The following COL25A1 variants were observed in gnomAD, a reference collection of about 807,000 sequenced individuals.
The protein encoded by COL25A1 is collagen alpha-1(XXV) chain.
In COL25A1, 103 loss-of-function variants were observed where a neutral mutation model predicts 128.4. The observed-to-expected ratio is 0.80, with a 90% confidence interval of 0.68 to 0.94. The LOEUF is 0.94. Among genes scored for constraint, COL25A1 ranks in the 40% least tolerant of loss-of-function variants. The pLI, the probability that COL25A1 is intolerant of heterozygous loss-of-function variation, is 0.00. For missense variants in COL25A1, 745 were observed against 840.0 expected, an observed-to-expected ratio of 0.89 and a Z score of 1.40; for synonymous variants, 279 against 277.2, an observed-to-expected ratio of 1.01 and a Z score of -0.06.
chr4:109,246,549 A>G (rs1034041426), intron 3 of COL25A1, among the ~76,000 whole-genome samples: 4 of 152,212 alleles, frequency 2.6e-5, no homozygotes, highest in African/African-American at 9.6e-5. Context: ...TATGATAATT[A>G]GTACATCTAT....
At chr4:109,100,820 C>A (rs1390852243) in intron 3 of COL25A1, among the ~76,000 whole-genome samples, 1 of 152,132 alleles carries the variant, frequency 6.6e-6, no homozygotes, top group African/African-American at 2.4e-5. Context: ...ATATGCTATA[C>A]ACTGCAAACC....
rs765942559 is a variant in COL25A1, at chr4:108,848,823, T to A, written c.1390-20A>T. 6.3e-7 allele frequency: 1 copy of A among 1,598,832 alleles called. No homozygotes were observed. Among genetic ancestry groups the A allele is most frequent in the South Asian group, 1.1e-5 (1 of 90,604 alleles). On this transcript the variant is annotated intron_variant, in intron 26 of 37. Coordinates refer to ENST00000399132, the MANE Select transcript of COL25A1 (RefSeq NM_198721.4). ...CTCTCCCTATTAAGATAAAAATAGA[T>A]GACTTGCCTCCATTCTCATTGGTAA...
chr4:108,892,715 T>C (rs1741661274), intron 16 of COL25A1, among the ~76,000 whole-genome samples: 1 of 152,202 alleles, frequency 6.6e-6, no homozygotes, highest in East Asian at 1.9e-4. Flanking sequence ...AAAGTCTGTG[T>C]CACTATGCAT....
intron 3 of COL25A1, among the ~76,000 whole-genome samples, chr4:109,090,323 A>G (rs375234829): frequency 6.6e-6 from 1 of 152,134 alleles, no homozygotes; most frequent in African/African-American, 2.4e-5. Flanking sequence ...TTTCCTTGTT[A>G]GTAGGTTTTC....
At chr4:108,909,937 G>A (rs577109204) in intron 13 of COL25A1, among the ~76,000 whole-genome samples, 39 of 152,210 alleles carry the variant, frequency 2.6e-4, no homozygotes, top group Non-Finnish European at 5.0e-4. Flanking sequence ...ATAGCTCCTC[G>A]TCAACAGTGC....
chr4:109,232,720 T>C (rs1779240233), intron 3 of COL25A1, among the ~76,000 whole-genome samples: 1 of 152,180 alleles, frequency 6.6e-6, no homozygotes, highest in Non-Finnish European at 1.5e-5. Context: ...GAAAGAACAA[T>C]ACATTATAAA....
chr4:108,828,913 GA>G (rs1732724005), intron 32 of COL25A1, among the ~76,000 whole-genome samples: 1 of 152,162 alleles, frequency 6.6e-6, no homozygotes, highest in Non-Finnish European at 1.5e-5. Flanking sequence ...TCAGGTCCCT[GA>G]TAGCATTTTC....
chr4:108,927,029 G>C (rs1746144260), intron 11 of COL25A1, among the ~76,000 whole-genome samples: 1 of 152,040 alleles, frequency 6.6e-6, no homozygotes, highest in Non-Finnish European at 1.5e-5. Flanking sequence ...GCTGAGAAGG[G>C]AGAGCCTCAT....
chr4:108,872,691 T>TAC (rs34351573), intron 19 of COL25A1, among the ~76,000 whole-genome samples: 6,665 of 150,916 alleles, frequency 0.044, 479 homozygotes, highest in African/African-American at 0.15. Flanking sequence ...GATATATATA[T>TAC]ACACACACAC....
rs189594941 is a variant in COL25A1, at chr4:109,012,541, G to A, written c.421-2166C>T. On this transcript the variant is annotated intron_variant, in intron 5 of 37. Transcript: ENST00000399132. ...GGGCCAGCGCGAGTTCCAGGTGGGC[G>A]CGGGCTTGGCGGGCCCACACTTGGA... Among the ~76,000 whole-genome samples, 788 of 152,290 alleles carry A rather than the reference G, an allele frequency of 5.2e-3. 3 individuals are homozygous for A. The highest frequency in any genetic ancestry group is 7.6e-3 in the Non-Finnish European group (520 of 68,008).
chr4:108,827,698 T>C (rs1373388586), intron 32 of COL25A1, among the ~76,000 whole-genome samples: 1 of 152,072 alleles, frequency 6.6e-6, no homozygotes, highest in Non-Finnish European at 1.5e-5. Context: ...AGGTAGTTTT[T>C]AAATTATTTG....
At chr4:108,939,733 T>A (rs1747859757) in intron 10 of COL25A1, among the ~76,000 whole-genome samples, 1 of 152,152 alleles carries the variant, frequency 6.6e-6, no homozygotes, top group Non-Finnish European at 1.5e-5. Context: ...TTTAATCCAG[T>A]AATAAACCTT....
intron 8 of COL25A1, among the ~76,000 whole-genome samples, chr4:108,965,167 T>C (rs1227543832): frequency 3.3e-5 from 5 of 152,250 alleles, no homozygotes; most frequent in African/African-American, 1.2e-4. Context: ...GTTTTTAAGA[T>C]GCTATCAGTT....
chr4:109,180,306 TAAC>T (rs1774506656), intron 3 of COL25A1, among the ~76,000 whole-genome samples: 1 of 152,218 alleles, frequency 6.6e-6, no homozygotes, highest in Non-Finnish European at 1.5e-5. Context: ...GAAGTGCAGA[TAAC>T]AAGTTAAATG....
intron 6 of COL25A1, among the ~76,000 whole-genome samples, chr4:109,005,926 A>G (rs1396618231): frequency 6.6e-6 from 1 of 152,210 alleles, no homozygotes; most frequent in Non-Finnish European, 1.5e-5. Context: ...TTGTACATAA[A>G]TAACAAAAAA....
At chr4:109,060,608 C>T (rs3113684) in intron 3 of COL25A1, among the ~76,000 whole-genome samples, 123,636 of 151,630 alleles carry the variant, frequency 0.82, 50,505 homozygotes, top group East Asian at 0.94. Flanking sequence ...CTCTGAATGT[C>T]TCTCATTTGT....
At chr4:109,133,651 A>T (rs10030612) in intron 3 of COL25A1, among the ~76,000 whole-genome samples, 73,252 of 152,032 alleles carry the variant, frequency 0.48, 20,451 homozygotes, top group African/African-American at 0.78. Flanking sequence ...CAGGAATTTA[A>T]GAACTTAAAT....
At chr4:109,162,010 A>G (rs973445633) in intron 3 of COL25A1, among the ~76,000 whole-genome samples, 26 of 152,190 alleles carry the variant, frequency 1.7e-4, no homozygotes, top group South Asian at 4.1e-4. Flanking sequence ...ATCATGTCCA[A>G]TGCTCTGCAT....
chr4:109,103,424 C>G (rs140483905), intron 3 of COL25A1, among the ~76,000 whole-genome samples: 1 of 152,226 alleles, frequency 6.6e-6, no homozygotes, highest in Non-Finnish European at 1.5e-5. Context: ...CTGTGTTAGT[C>G]AATTATTCCA....
Sources: gnomAD v4.1 joint callset for allele counts (sites outside exome capture counted in the v4.1 genomes callset) on GRCh38, gnomAD v4.1.1 for gene constraint, MANE v1.5 for transcripts, NCBI Gene and HGNC (gene_info 2026-07-23, HGNC 2026-07-21) for gene names.